The following GABRB1 variants were observed in gnomAD, a reference collection of about 807,000 sequenced individuals.
GABRB1 encodes the protein gamma-aminobutyric acid type A receptor subunit beta1.
In GABRB1, 17 loss-of-function variants were observed where a neutral mutation model predicts 51.6. The ratio of observed to expected loss-of-function variants is 0.33; its 90% CI spans 0.23 to 0.49. GABRB1 has a LOEUF of 0.49. GABRB1 is among the 20% of genes least tolerant of loss of function. The probability of loss-of-function intolerance (pLI) is 0.99; values close to 1 mark genes in which losing one functional copy is unlikely to be tolerated. For synonymous variants in GABRB1, 247 were observed against 218.9 expected, an observed-to-expected ratio of 1.13 and a Z score of -1.14; for missense variants, 410 against 600.6, an observed-to-expected ratio of 0.68 and a Z score of 3.32.
chr4:47,332,612 T>C (rs34079983), intron 5 of GABRB1, among the ~76,000 whole-genome samples: 2,134 of 152,268 alleles, frequency 0.014, 16 homozygotes, highest in Non-Finnish European at 0.023. Context: ...CCCAGGCCAA[T>C]AGCATCAGAA....
rs550303459 is a variant in GABRB1, at chr4:47,054,997, C to T, written c.240+22513C>T. ...TCCTAACCACAATAGAAGACATAGA[C>T]TTCTTCCATCATGGCAGAACCTGAA... On this transcript the variant is annotated intron_variant, in intron 3 of 8. Coordinates refer to ENST00000295454, the MANE Select transcript of GABRB1 (RefSeq NM_000812.4). Among the ~76,000 whole-genome samples the T allele has an allele frequency of 6.6e-5, 10 of 152,316 alleles. No homozygotes were observed. In the South Asian group the frequency reaches 2.1e-3, roughly 32 times the overall value.
At chr4:47,233,771 T>C (rs1721228359) in intron 4 of GABRB1, among the ~76,000 whole-genome samples, 1 of 152,210 alleles carries the variant, frequency 6.6e-6, no homozygotes, top group Non-Finnish European at 1.5e-5. Context: ...AGAAATTACA[T>C]ATTAGTTATA....
chr4:47,333,530 C>A (rs531560725), intron 5 of GABRB1, among the ~76,000 whole-genome samples: 1 of 151,978 alleles, frequency 6.6e-6, no homozygotes, highest in Non-Finnish European at 1.5e-5. Context: ...GCCTGGCCAA[C>A]CTGGCGAAAC....
chr4:47,146,816 G>C (rs143549277), intron 3 of GABRB1, among the ~76,000 whole-genome samples: 1 of 151,962 alleles, frequency 6.6e-6, no homozygotes, highest in African/African-American at 2.4e-5. Context: ...AGTTTTCTGC[G>C]TGACTTTTCT....
chr4:47,160,753 ATTATTTATTTAT>A (rs3050706), intron 3 of GABRB1, among the ~76,000 whole-genome samples: 23 of 147,824 alleles, frequency 1.6e-4, no homozygotes, highest in South Asian at 4.2e-4. Flanking sequence ...TAGTACTTTT[ATTATTTATTTAT>A]TTATTTATTT....
intron 5 of GABRB1, among the ~76,000 whole-genome samples, chr4:47,364,911 T>G (rs909939525): frequency 4.6e-5 from 7 of 151,910 alleles, no homozygotes; most frequent in Admixed American, 6.6e-5. Flanking sequence ...CCCTAAAGAA[T>G]GAAGCAGAAC....
chr4:47,184,228 C>T (rs557129500), intron 4 of GABRB1, among the ~76,000 whole-genome samples: 1 of 151,900 alleles, frequency 6.6e-6, no homozygotes, highest in Non-Finnish European at 1.5e-5. Flanking sequence ...AAACAGCCAA[C>T]GTTTTATTCA....
chr4:47,120,358 T>C (rs1338166691), intron 3 of GABRB1, among the ~76,000 whole-genome samples: 1 of 152,146 alleles, frequency 6.6e-6, no homozygotes, highest in Non-Finnish European at 1.5e-5. Flanking sequence ...CAAGGAAACA[T>C]TGGACTTAAT....
chr4:47,199,282 G>A (rs2109794311), intron 4 of GABRB1, among the ~76,000 whole-genome samples: 1 of 152,284 alleles, frequency 6.6e-6, no homozygotes. Context: ...AGAAAAGTGG[G>A]ACAGACAAGG....
rs568424762 is a variant in GABRB1, at chr4:47,087,383, A to G, written c.240+54899A>G. Among the ~76,000 whole-genome samples, 11 of 152,114 alleles carry G rather than the reference A, an allele frequency of 7.2e-5. No individual in the cohort carries two copies. In the East Asian group the frequency reaches 1.7e-3, roughly 24 times the overall value. ...CCTATTATTATTGATACAGTTTTCCATTATATAGGCAGGCTGGGAGACAGT... is the reference window on the plus strand; with the variant it reads ...CCTATTATTATTGATACAGTTTTCCGTTATATAGGCAGGCTGGGAGACAGT... On this transcript the variant is annotated intron_variant, in intron 3 of 8. Coordinates refer to ENST00000295454, the MANE Select transcript of GABRB1 (RefSeq NM_000812.4).
intron 5 of GABRB1, among the ~76,000 whole-genome samples, chr4:47,352,571 A>G: frequency 6.6e-6 from 1 of 152,166 alleles, no homozygotes; most frequent in Non-Finnish European, 1.5e-5. Flanking sequence ...ATCCACCATG[A>G]TCAAGTGGGC....
intron 4 of GABRB1, among the ~76,000 whole-genome samples, chr4:47,177,188 T>C (rs1718738793): frequency 6.6e-6 from 1 of 152,158 alleles, no homozygotes; most frequent in African/African-American, 2.4e-5. Flanking sequence ...ATATGCAGCA[T>C]AGATAACGAA....
chr4:47,358,354 T>C (rs373402198), intron 5 of GABRB1, among the ~76,000 whole-genome samples: 1 of 148,132 alleles, frequency 6.8e-6, no homozygotes, highest in African/African-American at 2.6e-5. Context: ...ATATTATATA[T>C]GTGTGTGTGT....
At chr4:47,322,442 G>A (rs1373360544) in intron 5 of GABRB1, among the ~76,000 whole-genome samples, 1 of 152,192 alleles carries the variant, frequency 6.6e-6, no homozygotes, top group African/African-American at 2.4e-5. Context: ...TACAGAGGCA[G>A]GAACTTAGGA....
At chr4:47,157,594 A>T (rs1426244544) in intron 3 of GABRB1, among the ~76,000 whole-genome samples, 1 of 152,130 alleles carries the variant, frequency 6.6e-6, no homozygotes, top group Admixed American at 6.6e-5. Context: ...TGTGAGAACA[A>T]ATGTTATAAT....
At chr4:47,217,139 G>T (rs1309472433) in intron 4 of GABRB1, among the ~76,000 whole-genome samples, 1 of 151,722 alleles carries the variant, frequency 6.6e-6, no homozygotes, top group Non-Finnish European at 1.5e-5. Flanking sequence ...TAACACCCTT[G>T]TTTATTGTAT....
chr4:47,039,577 A>T (rs1275048463), intron 3 of GABRB1, among the ~76,000 whole-genome samples: 2 of 152,114 alleles, frequency 1.3e-5, no homozygotes, highest in African/African-American at 4.8e-5. Flanking sequence ...AGGTGCTATG[A>T]TAGAGACATG....
chr4:47,274,957 T>C (rs915021816), intron 4 of GABRB1, among the ~76,000 whole-genome samples: 1 of 152,178 alleles, frequency 6.6e-6, no homozygotes, highest in Admixed American at 6.5e-5. Context: ...GGTCAACAAG[T>C]AGATTAAATC....
chr4:47,041,678 T>C (rs1725842621), intron 3 of GABRB1, among the ~76,000 whole-genome samples: 1 of 152,066 alleles, frequency 6.6e-6, no homozygotes, highest in African/African-American at 2.4e-5. Flanking sequence ...CCTCCATGAC[T>C]CACGGAGATA....
Sources: gnomAD v4.1 joint callset for allele counts (sites outside exome capture counted in the v4.1 genomes callset) on GRCh38, gnomAD v4.1.1 for gene constraint, MANE v1.5 for transcripts, NCBI Gene and HGNC (gene_info 2026-07-23, HGNC 2026-07-21) for gene names.